Variants in ITGA9 observed in about 807,000 individuals in gnomAD.
ITGA9 encodes integrin alpha-9.
In ITGA9, 56 loss-of-function variants were observed where a neutral mutation model predicts 127.8. That is an observed-to-expected ratio of 0.44 (90% confidence interval 0.35 to 0.55). The LOEUF (loss-of-function observed/expected upper bound fraction) is 0.55. Among genes scored for constraint, ITGA9 ranks in the 20% least tolerant of loss-of-function variants. The pLI is 0.00. For synonymous variants in ITGA9, 508 were observed against 514.5 expected (o/e 0.99, Z 0.17); for missense variants, 1,196 against 1,347.1 (o/e 0.89, Z 1.76).
chr3:37,568,142 C>T (rs1699565980), intron 15 of ITGA9, among the ~76,000 whole-genome samples: 1 of 152,244 alleles, frequency 6.6e-6, no homozygotes, highest in African/African-American at 2.4e-5. Context: ...GAAATCTAGG[C>T]AGAGGTTCCC....
At chr3:37,610,128 A>C (rs992115163) in intron 15 of ITGA9, among the ~76,000 whole-genome samples, 1 of 152,162 alleles carries the variant, frequency 6.6e-6, no homozygotes, top group African/African-American at 2.4e-5. Flanking sequence ...AAGATGGATA[A>C]GTAGGAATAA....
chr3:37,743,364 G>C (rs528874809), intron 21 of ITGA9, among the ~76,000 whole-genome samples: 99 of 152,282 alleles, frequency 6.5e-4, no homozygotes, highest in Non-Finnish European at 1.3e-3. Context: ...TGAAAGCATT[G>C]CTGCAAACTG....
chr3:37,592,540 G>A (rs2125615859), intron 15 of ITGA9, among the ~76,000 whole-genome samples: 2 of 152,302 alleles, frequency 1.3e-5, no homozygotes, highest in South Asian at 4.1e-4. Flanking sequence ...GCCACAGCCG[G>A]CCTCAGAGGA....
intron 5 of ITGA9, among the ~76,000 whole-genome samples, chr3:37,496,816 C>G (rs1021785310): frequency 2.6e-5 from 4 of 152,188 alleles, no homozygotes; most frequent in African/African-American, 9.7e-5. Flanking sequence ...TGGCATTGCA[C>G]TGGAGATCCA....
In ITGA9 at chr3:37,511,994, T is replaced by C. The variant is rs1241026312; in HGVS notation, c.898-1769T>C. Among the ~76,000 whole-genome samples the C allele has an allele frequency of 8.0e-4, 39 of 48,794 alleles. 1 individual carries two copies. The highest frequency in any genetic ancestry group is 1.8e-3 in the African/African-American group (31 of 17,358). The allele number at this position is 48,794 out of a possible 152,430, so 32.0% of individuals were successfully genotyped here. Reference sequence around the variant, plus strand: ...TTTTCTTTTCTTTTCTTTTCTTTTCTTTTCTTTTCTTTTCTTTTCTTTTCT... The same window carrying C: ...TTTTCTTTTCTTTTCTTTTCTTTTCCTTTCTTTTCTTTTCTTTTCTTTTCT... On this transcript the variant is annotated intron_variant, in intron 8 of 27. Coordinates refer to ENST00000264741, the MANE Select transcript of ITGA9 (RefSeq NM_002207.3).
intron 15 of ITGA9, among the ~76,000 whole-genome samples, chr3:37,617,783 G>A (rs367712633): frequency 3.3e-5 from 5 of 152,144 alleles, no homozygotes; most frequent in African/African-American, 4.8e-5. Flanking sequence ...CATTCGTCAC[G>A]TAGTTCTCGT....
chr3:37,563,370 C>T (rs1437800135), intron 15 of ITGA9, among the ~76,000 whole-genome samples: 1 of 152,160 alleles, frequency 6.6e-6, no homozygotes, highest in African/African-American at 2.4e-5. Flanking sequence ...CCTTCAACCC[C>T]CTAAATTTTG....
At chr3:37,511,310 C>T (rs1333073226) in intron 8 of ITGA9, among the ~76,000 whole-genome samples, 1 of 152,222 alleles carries the variant, frequency 6.6e-6, no homozygotes, top group African/African-American at 2.4e-5. Context: ...ACACACATCT[C>T]CACATTTCCA....
chr3:37,686,245 C>T (rs771472883), intron 18 of ITGA9, among the ~76,000 whole-genome samples: 4 of 149,738 alleles, frequency 2.7e-5, no homozygotes, highest in Non-Finnish European at 5.9e-5. Flanking sequence ...AGAAGAGGGG[C>T]GAGGGAGCAG....
At chr3:37,813,209 A>C (rs1483852923) in intron 27 of ITGA9, among the ~76,000 whole-genome samples, 1 of 152,164 alleles carries the variant, frequency 6.6e-6, no homozygotes. Flanking sequence ...AAGCAAAGGA[A>C]CTACAGGTGC....
intron 15 of ITGA9, among the ~76,000 whole-genome samples, chr3:37,622,578 T>A (rs1428298716): frequency 6.6e-6 from 1 of 152,088 alleles, no homozygotes; most frequent in African/African-American, 2.4e-5. Context: ...CGCAGTGGCT[T>A]ATATCTGCAA....
At chr3:37,753,702 A>C (rs1040562140) in intron 23 of ITGA9, 18 of 152,306 alleles carry the variant, frequency 1.2e-4, no homozygotes, top group African/African-American at 4.1e-4. Context: ...CAGTTTGTAA[A>C]TTAATCACTC....
At chr3:37,775,587 A>G (rs1696896872) in intron 23 of ITGA9, among the ~76,000 whole-genome samples, 1 of 149,612 alleles carries the variant, frequency 6.7e-6, no homozygotes, top group Non-Finnish European at 1.5e-5. Flanking sequence ...CGGAGCTTGC[A>G]GTGAGCCAAG....
At chr3:37,784,946 C>A (rs201192043) in intron 25 of ITGA9, 31 bp from the exon 26 acceptor site, 14 of 1,562,892 alleles carry the variant, frequency 9.0e-6, no homozygotes, top group Non-Finnish European at 1.2e-5. Flanking sequence ...ATAGAAAAAT[C>A]TTCAAGTAAG....
At chr3:37,730,015 T>A (rs1696268302) in intron 18 of ITGA9, among the ~76,000 whole-genome samples, 1 of 152,230 alleles carries the variant, frequency 6.6e-6, no homozygotes, top group African/African-American at 2.4e-5. Flanking sequence ...AAATCTTTAC[T>A]TCAAGAACAG....
intron 15 of ITGA9, among the ~76,000 whole-genome samples, chr3:37,587,146 A>G (rs951934028): frequency 2.0e-5 from 3 of 152,216 alleles, no homozygotes; most frequent in African/African-American, 7.2e-5. Context: ...AATAGCATCT[A>G]GTAACATTCA....
chr3:37,756,352 A>ATC (rs1696652569), intron 23 of ITGA9, among the ~76,000 whole-genome samples: 1 of 152,224 alleles, frequency 6.6e-6, no homozygotes, highest in Non-Finnish European at 1.5e-5. Context: ...ACACAGCTTT[A>ATC]ACCATAGAAA....
In ITGA9 at chr3:37,585,862, G is replaced by A. The variant is rs114073351; in HGVS notation, c.1689+43277G>A. Among the ~76,000 whole-genome samples, 592 of 152,318 alleles carry A rather than the reference G, an allele frequency of 3.9e-3. 4 individuals carry two copies. Among genetic ancestry groups the A allele is most frequent in the African/African-American group, 0.014 (567 of 41,588 alleles). On this transcript the variant is annotated intron_variant, in intron 15 of 27. Coordinates refer to ENST00000264741, the MANE Select transcript of ITGA9 (RefSeq NM_002207.3). ...GGTGTATTTCCCAAGCTTCGCTAGT[G>A]AAGATGGTATTTTGTTAAAAATTGA... is the stretch of plus-strand genomic sequence containing the variant.
intron 18 of ITGA9, among the ~76,000 whole-genome samples, chr3:37,704,290 C>T (rs1246876989): frequency 6.6e-6 from 1 of 150,934 alleles, no homozygotes. Context: ...CCCAGCTCCC[C>T]ACCAGCCTCC....
Sources: gnomAD v4.1 joint callset for allele counts (sites outside exome capture counted in the v4.1 genomes callset) on GRCh38, gnomAD v4.1.1 for gene constraint, MANE v1.5 for transcripts, NCBI Gene and HGNC (gene_info 2026-07-23, HGNC 2026-07-21) for gene names.